Variants in SEC62 observed in about 807,000 individuals in gnomAD.
The protein encoded by SEC62 is translocation protein SEC62.
A neutral mutation model predicts 47.5 loss-of-function variants in SEC62; 10 were observed. The ratio of observed to expected loss-of-function variants is 0.21; its 90% CI spans 0.13 to 0.36. The LOEUF (loss-of-function observed/expected upper bound fraction) is 0.36. SEC62 is among the 10% of genes least tolerant of loss of function. The probability of loss-of-function intolerance (pLI) is 1.00; values close to 1 mark genes in which losing one functional copy is unlikely to be tolerated. For synonymous variants in SEC62, 136 were observed against 150.5 expected (o/e 0.90, Z 0.71); for missense variants, 327 against 464.1 (o/e 0.70, Z 2.71).
At chr3:169,968,039 G>A (rs146927845) in intron 1 of SEC62, among the ~76,000 whole-genome samples, 85 of 152,258 alleles carry the variant, frequency 5.6e-4, no homozygotes, top group African/African-American at 2.0e-3. Context: ...AAGTAGTTCC[G>A]AACAGGGTGC....
At position 169,992,300 on chromosome 3, in the gene SEC62, C is replaced by T. The variant is rs1715266452; in HGVS notation, c.731-294C>T. 6.6e-6 allele frequency among the ~76,000 whole-genome samples: 1 copy of T among 151,984 alleles called. No homozygotes were observed. Among genetic ancestry groups the T allele is most frequent in the African/African-American group, 2.4e-5 (1 of 41,340 alleles). On this transcript the variant is annotated intron_variant, in intron 7 of 7. Transcript: ENST00000337002. The surrounding 1 kb of genome is among the most constrained non-coding windows in gnomAD (Gnocchi z 4.0). ...CAAGTTCAGAGCAACATTCTGTGCC[C>T]CTAGAATACCGTGATAGCTGCTAAA...
intron 1 of SEC62, among the ~76,000 whole-genome samples, chr3:169,974,393 G>GTATACAAAGA (rs1714776576): frequency 1.3e-5 from 2 of 152,186 alleles, no homozygotes; most frequent in Non-Finnish European, 2.9e-5. Flanking sequence ...TACATAAGAT[G>GTATACAAAGA]TATACAAAGA....
intron 5 of SEC62, 152 bp from the exon 6 acceptor site, chr3:169,985,653 G>GA (rs1214329880): frequency 5.9e-6 from 3 of 504,280 alleles, no homozygotes; most frequent in Non-Finnish European, 1.0e-5. Flanking sequence ...ACTACTGAAG[G>GA]AAAGATCTTT....
At position 169,997,064 on chromosome 3, in the gene SEC62, A is replaced by G. The variant is rs553518634; in HGVS notation, c.*4001A>G. 1.6e-4 allele frequency: 24 copies of G among 152,348 alleles called. No individual in the cohort carries two copies. Among genetic ancestry groups the G allele is most frequent in the Non-Finnish European group, 3.1e-4 (21 of 68,038 alleles). 9.4% of individuals were successfully genotyped at this position (152,348 alleles called of 1,614,324 possible). ...GATAACTAAAATCCTGTTCTAGTGA[A>G]TGTCATGCAGATAACTACACAAGGA... On this transcript the variant is annotated 3_prime_UTR_variant, in exon 8 of 8. Transcript: ENST00000337002.
At chr3:169,968,328 A>C (rs961778173) in intron 1 of SEC62, 1 of 152,214 alleles carries the variant, frequency 6.6e-6, no homozygotes, top group East Asian at 1.9e-4. Context: ...TGTAAGGGCT[A>C]TATAATTCAC....
At position 169,994,354 on chromosome 3, in the gene SEC62, A is replaced by T. The variant is rs190451047; in HGVS notation, c.*1291A>T. On this transcript the variant is annotated 3_prime_UTR_variant, in exon 8 of 8. Coordinates refer to ENST00000337002, the MANE Select transcript of SEC62 (RefSeq NM_003262.4). Reference sequence around the variant, plus strand: ...ATTTTTCTTCAGTCACAGTGAGAGCATCTTGCTTTGTGGTTGAAATAGGTA... The same window carrying T: ...ATTTTTCTTCAGTCACAGTGAGAGCTTCTTGCTTTGTGGTTGAAATAGGTA... 1 of 152,654 alleles carries T rather than the reference A, an allele frequency of 6.6e-6. No individual in the cohort carries two copies. The highest frequency in any genetic ancestry group is 1.9e-4 in the East Asian group (1 of 5,202). 9.5% of individuals were successfully genotyped at this position (152,654 alleles called of 1,614,324 possible). A position where few individuals can be genotyped will look rare whatever the true frequency, so the allele number is the denominator to read the frequency against.
At chr3:169,976,791 A>C (rs1038611609) in intron 2 of SEC62, among the ~76,000 whole-genome samples, 155 bp from the exon 3 acceptor site, 1 of 152,174 alleles carries the variant, frequency 6.6e-6, no homozygotes, top group Non-Finnish European at 1.5e-5. Context: ...GGTTTTGGGG[A>C]ACTACTAATC....
intron 3 of SEC62, among the ~76,000 whole-genome samples, chr3:169,979,689 C>T (rs960931548): frequency 6.6e-6 from 1 of 152,186 alleles, no homozygotes; most frequent in Non-Finnish European, 1.5e-5. Context: ...ACCGAATGTA[C>T]TCTTCCCCAG....
chr3:169,986,598 T>C (rs1433883650), intron 6 of SEC62, among the ~76,000 whole-genome samples: 1 of 152,182 alleles, frequency 6.6e-6, no homozygotes, highest in African/African-American at 2.4e-5. Context: ...CATTTACTTA[T>C]TTAGAAAAAA....
chr3:169,969,299 T>C (rs1388958066), intron 1 of SEC62: 1 of 456,556 alleles, frequency 2.2e-6, no homozygotes, highest in Non-Finnish European at 4.4e-6. Flanking sequence ...TAATTTCAGA[T>C]TCTCGTGTCC....
chr3:169,976,215 A>C lies in SEC62; in HGVS notation c.145+499A>C, dbSNP rs116227502. 6.7e-3 allele frequency among the ~76,000 whole-genome samples: 1,014 copies of C among 152,248 alleles called. 9 individuals are homozygous for C. Among genetic ancestry groups the C allele is most frequent in the African/African-American group, 0.023 (961 of 41,534 alleles). On this transcript the variant is annotated intron_variant, in intron 2 of 7. Transcript: ENST00000337002. ...AGTTCGAGACCAGCCTATGCAACACAATGAGACCCCATCTCTACAAAAAAA... is the reference window on the plus strand; with the variant it reads ...AGTTCGAGACCAGCCTATGCAACACCATGAGACCCCATCTCTACAAAAAAA...
At position 169,985,929 on chromosome 3, in the gene SEC62, A is replaced by G. The variant is rs538340820; in HGVS notation, c.610+64A>G. On this transcript the variant is annotated intron_variant, in intron 6 of 7. Coordinates refer to ENST00000337002, the MANE Select transcript of SEC62 (RefSeq NM_003262.4). ...AAAATTTAGAAAACAATATGCAGAT[A>G]CTGTAAAAGAAAATGTTCCTAAATT... The G allele has an allele frequency of 7.4e-6, 8 of 1,085,024 alleles. No individual in the cohort carries two copies. The African/African-American group carries it at 7.9e-5, about 11-fold the overall frequency. The allele number at this position is 1,085,024 out of a possible 1,614,324, so 67.2% of individuals were successfully genotyped here.
intron 3 of SEC62, among the ~76,000 whole-genome samples, chr3:169,977,997 C>T (rs536082211): frequency 5.0e-4 from 76 of 152,242 alleles, no homozygotes; most frequent in African/African-American, 1.8e-3. Flanking sequence ...CAGTAGGTTT[C>T]GGCCAGGCAC....
chr3:169,997,286 A>G lies in SEC62; in HGVS notation c.*4223A>G, dbSNP rs1036862658. ...AGAGAGGACATATTTTCTGAGGTTT[A>G]TAGTTTTAGGATTGTCCAAAAGGCC... On this transcript the variant is annotated 3_prime_UTR_variant, in exon 8 of 8. Transcript: ENST00000337002. The G allele has an allele frequency of 3.9e-5, 6 of 152,216 alleles. No homozygotes were observed. Among genetic ancestry groups the G allele is most frequent in the Admixed American group, 6.5e-5 (1 of 15,286 alleles). The allele number at this position is 152,216 out of a possible 1,614,324, so 9.4% of individuals were successfully genotyped here. A position where few individuals can be genotyped will look rare whatever the true frequency, so the allele number is the denominator to read the frequency against.
rs1338745341 is a variant in SEC62 at position 169,982,527 on chromosome 3, CTG to C, written c.252-178_252-177del. The C allele has an allele frequency of 4.7e-6, 3 of 641,878 alleles. No homozygotes were observed. The Admixed American group carries it at 6.5e-5, about 14-fold the overall frequency. 39.8% of individuals were successfully genotyped at this position (641,878 alleles called of 1,614,324 possible). A position where few individuals can be genotyped will look rare whatever the true frequency, so the allele number is the denominator to read the frequency against. ...GTTTTGACAACTTTTATATAATTGACTGTAAAGTGTTTTGATTTAGTGGTAGA... is the reference window on the plus strand; with the variant it reads ...GTTTTGACAACTTTTATATAATTGACTAAAGTGTTTTGATTTAGTGGTAGA... On this transcript the variant is annotated intron_variant, in intron 3 of 7. Transcript: ENST00000337002.
chr3:169,979,652 C>T (rs1714925163), intron 3 of SEC62, among the ~76,000 whole-genome samples: 1 of 152,192 alleles, frequency 6.6e-6, no homozygotes, highest in Non-Finnish European at 1.5e-5. Context: ...CTCAAAATCA[C>T]AAACAAATCC....
intron 7 of SEC62, 27 bp downstream of exon 7, chr3:169,988,386 C>T (rs1008239699): frequency 6.2e-7 from 1 of 1,612,008 alleles, no homozygotes; most frequent in Non-Finnish European, 8.5e-7. Flanking sequence ...TAAAATTGAC[C>T]TCAAGAAGGT....
rs919839733 is a variant in SEC62, at chr3:169,994,283, A to G, written c.*1220A>G. 6.6e-6 allele frequency: 1 copy of G among 152,654 alleles called. No individual in the cohort carries two copies. The highest frequency in any genetic ancestry group is 1.5e-5 in the Non-Finnish European group (1 of 68,024). 9.5% of individuals were successfully genotyped at this position (152,654 alleles called of 1,614,324 possible). On this transcript the variant is annotated 3_prime_UTR_variant, in exon 8 of 8. Coordinates refer to ENST00000337002, the MANE Select transcript of SEC62 (RefSeq NM_003262.4). ...TGGAAACTCTTGTTTACTTATGAGCATAATCATTCCTTGGAGTTATACTAA... is the reference window on the plus strand; with the variant it reads ...TGGAAACTCTTGTTTACTTATGAGCGTAATCATTCCTTGGAGTTATACTAA...
intron 5 of SEC62, 105 bp downstream of exon 5, chr3:169,983,358 T>C (rs1715025828): frequency 2.3e-5 from 13 of 569,112 alleles, no homozygotes; most frequent in Non-Finnish European, 4.0e-5. Context: ...AATCTAATTA[T>C]GCTCTTAAAT....
Sources: gnomAD v4.1 joint callset for allele counts (sites outside exome capture counted in the v4.1 genomes callset) on GRCh38, gnomAD v4.1.1 for gene constraint, Gnocchi (gnomAD v3.1) non-coding constraint, MANE v1.5 for transcripts, NCBI Gene and HGNC (gene_info 2026-07-23, HGNC 2026-07-21) for gene names.